SLC38A6: variants seen among roughly 807,000 people sequenced by gnomAD.
The protein encoded by SLC38A6 is N system amino acid transporter NAT-1.
In SLC38A6, 73 loss-of-function variants were observed where a neutral mutation model predicts 65.0. The ratio of observed to expected loss-of-function variants is 1.12; its 90% CI spans 0.93 to 1.37. The LOEUF (loss-of-function observed/expected upper bound fraction) is 1.37. Ranked by LOEUF, SLC38A6 falls within the 40% of genes most tolerant of loss-of-function variation. SLC38A6 has a pLI of 0.00. For synonymous variants in SLC38A6, 183 were observed against 178.8 expected (o/e 1.02, Z -0.19); for missense variants, 561 against 531.1 (o/e 1.06, Z -0.55).
At chr14:61,039,524 A>ATTTTTTTT (rs5809078) in intron 8 of SLC38A6, among the ~76,000 whole-genome samples, 4 of 130,622 alleles carry the variant, frequency 3.1e-5, no homozygotes, top group Non-Finnish European at 3.2e-5. Context: ...GTGCATGCTA[A>ATTTTTTTT]TTTTTTTTTT....
chr14:61,026,612 A>G (rs117478680), intron 5 of SLC38A6, among the ~76,000 whole-genome samples: 14 of 152,134 alleles, frequency 9.2e-5, no homozygotes, highest in African/African-American at 2.4e-4. Flanking sequence ...ATAATTCTGA[A>G]GAGTGGTACT....
chr14:61,052,622 GC>G lies in SLC38A6; in HGVS notation c.*194del, dbSNP rs1390156657. 1 of 620,030 alleles carries G rather than the reference GC, an allele frequency of 1.6e-6. No individual in the cohort carries two copies. 38.4% of individuals were successfully genotyped at this position (620,030 alleles called of 1,614,324 possible). A position where few individuals can be genotyped will look rare whatever the true frequency, so the allele number is the denominator to read the frequency against. On this transcript the variant is annotated 3_prime_UTR_variant, in exon 16 of 16. Transcript: ENST00000267488. Reference sequence around the variant, plus strand: ...TCAAAAAAAGAAACAAACTCGAAATGCTCTTAAATATATTGGGTTGATCTTT... The same window carrying G: ...TCAAAAAAAGAAACAAACTCGAAATGTCTTAAATATATTGGGTTGATCTTT...
intron 5 of SLC38A6, among the ~76,000 whole-genome samples, chr14:61,027,363 C>T (rs933717491): frequency 6.6e-6 from 1 of 152,070 alleles, no homozygotes; most frequent in Non-Finnish European, 1.5e-5. Context: ...CCAGTTGCAG[C>T]TATTAATTTA....
At chr14:60,984,615 C>A in intron 2 of SLC38A6, 115 bp from the exon 3 acceptor site, 1 of 777,858 alleles carries the variant, frequency 1.3e-6, no homozygotes, top group Non-Finnish European at 2.3e-6. Flanking sequence ...AATTCTGCTA[C>A]TCAGAGATAG....
intron 1 of SLC38A6, 53 bp downstream of exon 1, chr14:60,981,435 G>C (rs1355666412): frequency 6.4e-7 from 1 of 1,550,522 alleles, no homozygotes; most frequent in Admixed American, 2.0e-5. Flanking sequence ...CTTCCCTCAA[G>C]TGCCTGCCAA....
intron 5 of SLC38A6, among the ~76,000 whole-genome samples, chr14:61,028,165 A>G (rs1241200248): frequency 6.6e-6 from 1 of 152,136 alleles, no homozygotes; most frequent in Non-Finnish European, 1.5e-5. Flanking sequence ...AGAAAGAAAT[A>G]GGATCTCATA....
chr14:61,023,757 T>G (rs917928733), intron 5 of SLC38A6, among the ~76,000 whole-genome samples: 1 of 151,976 alleles, frequency 6.6e-6, no homozygotes, highest in African/African-American at 2.4e-5. Context: ...TGAAAAAAAT[T>G]GAAATGGAAG....
intron 15 of SLC38A6, among the ~76,000 whole-genome samples, chr14:61,062,903 T>C (rs1378993238): frequency 1.3e-5 from 2 of 152,188 alleles, no homozygotes; most frequent in African/African-American, 4.8e-5. Flanking sequence ...GGTCGCAAAC[T>C]CCTGACCTCA....
At chr14:61,004,895 T>C (rs1258024308) in intron 3 of SLC38A6, among the ~76,000 whole-genome samples, 1 of 152,078 alleles carries the variant, frequency 6.6e-6, no homozygotes, top group Non-Finnish European at 1.5e-5. Flanking sequence ...AAAAGAGAAT[T>C]TTAGACCAAT....
At chr14:60,987,462 G>C (rs763963168) in intron 3 of SLC38A6, 4 of 152,244 alleles carry the variant, frequency 2.6e-5, no homozygotes, top group Non-Finnish European at 4.4e-5. Context: ...ACTTTTCATG[G>C]GAGCTGAGGT....
At chr14:61,003,777 T>G (rs1315876719) in intron 3 of SLC38A6, among the ~76,000 whole-genome samples, 1 of 152,180 alleles carries the variant, frequency 6.6e-6, no homozygotes, top group African/African-American at 2.4e-5. Context: ...ATTACTCATA[T>G]TCATGTTGTC....
intron 8 of SLC38A6, among the ~76,000 whole-genome samples, chr14:61,040,608 G>A (rs2041738228): frequency 1.3e-5 from 2 of 152,030 alleles, no homozygotes; most frequent in South Asian, 4.2e-4. Context: ...CAAAGTGCTG[G>A]GATTACAGGT....
intron 15 of SLC38A6, among the ~76,000 whole-genome samples, chr14:61,062,776 G>A (rs1457045603): frequency 1.3e-5 from 2 of 152,158 alleles, no homozygotes; most frequent in South Asian, 2.1e-4. Context: ...TACCTCCTGG[G>A]TTCAAGCAAT....
chr14:61,054,936 G>C (rs536866716), downstream of SLC38A6, among the ~76,000 whole-genome samples: 1 of 152,030 alleles, frequency 6.6e-6, no homozygotes, highest in Admixed American at 6.6e-5. Context: ...TCGTCTTAAC[G>C]CCAGTTTTCA....
intron 3 of SLC38A6, among the ~76,000 whole-genome samples, chr14:60,996,136 G>A (rs2038278455): frequency 6.6e-6 from 1 of 152,162 alleles, no homozygotes; most frequent in Admixed American, 6.5e-5. Flanking sequence ...GGGGCAGGAG[G>A]TATATGGGAA....
chr14:60,994,991 A>G (rs1286506488), intron 3 of SLC38A6, among the ~76,000 whole-genome samples: 2 of 124,702 alleles, frequency 1.6e-5, no homozygotes, highest in Admixed American at 9.0e-5. Flanking sequence ...GCGACAGAGC[A>G]AGACTCCATC....
At position 60,982,706 on chromosome 14, in the gene SLC38A6, T is replaced by G. The variant is rs758503072; in HGVS notation, c.236+68T>G. ...GATAATATACGGAGAAGTAGAGAGA[T>G]AGATTCCAGAAGCTGCTATTATACA... On this transcript the variant is annotated intron_variant, in intron 2 of 15. Transcript: ENST00000267488. The G allele has an allele frequency of 5.1e-4, 756 of 1,485,272 alleles. 2 individuals carry two copies. The highest frequency in any genetic ancestry group is 6.5e-4 in the Non-Finnish European group (714 of 1,101,072). 92.0% of individuals were successfully genotyped at this position (1,485,272 alleles called of 1,614,324 possible). A position where few individuals can be genotyped will look rare whatever the true frequency, so the allele number is the denominator to read the frequency against.
intron 7 of SLC38A6, 103 bp from the exon 8 acceptor site, chr14:61,037,522 A>G (rs1159687378): frequency 3.9e-6 from 3 of 760,940 alleles, no homozygotes; most frequent in Non-Finnish European, 6.4e-6. Context: ...AGCCCCAGAT[A>G]CCAACCACTA....
At chr14:61,039,322 G>C (rs1268580049) in intron 8 of SLC38A6, among the ~76,000 whole-genome samples, 2 of 152,008 alleles carry the variant, frequency 1.3e-5, no homozygotes, top group African/African-American at 2.4e-5. Context: ...AGAATACTCT[G>C]TATGCTTTTT....
Sources: gnomAD v4.1 joint callset for allele counts (sites outside exome capture counted in the v4.1 genomes callset) on GRCh38, gnomAD v4.1.1 for gene constraint, MANE v1.5 for transcripts, NCBI Gene and HGNC (gene_info 2026-07-23, HGNC 2026-07-21) for gene names.